Variants in CYB5A observed in about 807,000 individuals in gnomAD.
CYB5A encodes cytochrome b5 type A, also known as cytochrome b5.
In CYB5A, 10 loss-of-function variants were observed where a neutral mutation model predicts 16.2. The observed-to-expected ratio is 0.62, with a 90% confidence interval of 0.38 to 1.04. CYB5A has a LOEUF of 1.04. Ranked by LOEUF, CYB5A falls within the 50% of genes least tolerant of loss-of-function variation. CYB5A has a pLI of 0.01. For synonymous variants in CYB5A, 62 were observed against 57.0 expected (o/e 1.09, Z -0.40); for missense variants, 161 against 165.9 (o/e 0.97, Z 0.16).
chr18:74,291,039 G>T (rs2145092945), intron 1 of CYB5A: 1 of 156,106 alleles, frequency 6.4e-6, no homozygotes, highest in Non-Finnish European at 1.4e-5. Flanking sequence ...TTAACACCGA[G>T]CCTCTTCCAG....
At chr18:74,255,680 T>A in intron 4 of CYB5A, 61 bp downstream of exon 4, 1 of 1,439,946 alleles carries the variant, frequency 6.9e-7, no homozygotes, top group Non-Finnish European at 9.8e-7. Context: ...ACGCACCTTG[T>A]CCAACCTGGA....
At chr18:74,266,992 G>T (rs577091629) in intron 1 of CYB5A, among the ~76,000 whole-genome samples, 1 of 152,254 alleles carries the variant, frequency 6.6e-6, no homozygotes, top group South Asian at 2.1e-4. Context: ...AGTAAAAGAT[G>T]AGGGTGGCTT....
At chr18:74,265,259 G>A (rs1039101524) in intron 1 of CYB5A, among the ~76,000 whole-genome samples, 3 of 152,070 alleles carry the variant, frequency 2.0e-5, no homozygotes, top group African/African-American at 7.2e-5. Flanking sequence ...CAGAAAAACT[G>A]GGAAGCACAA....
intron 1 of CYB5A, among the ~76,000 whole-genome samples, chr18:74,278,168 C>T (rs2145071880): frequency 6.6e-6 from 1 of 152,240 alleles, no homozygotes; most frequent in East Asian, 1.9e-4. Context: ...GTGACGGAGC[C>T]AGTTAGGGGA....
intron 1 of CYB5A, 120 bp downstream of exon 1, chr18:74,291,627 T>C: frequency 6.8e-7 from 1 of 1,468,716 alleles, no homozygotes; most frequent in Non-Finnish European, 9.3e-7. Context: ...GTGAGCGAAC[T>C]CGGGGGGCGC....
chr18:74,265,765 C>T (rs1051462566), intron 1 of CYB5A, among the ~76,000 whole-genome samples: 5 of 152,150 alleles, frequency 3.3e-5, no homozygotes, highest in East Asian at 3.9e-4. Context: ...CATCTCATGG[C>T]GAGAGAGGAG....
At chr18:74,288,217 C>A (rs11151940) in intron 1 of CYB5A, among the ~76,000 whole-genome samples, 18,096 of 152,272 alleles carry the variant, frequency 0.12, 1,392 homozygotes, top group Admixed American at 0.19. Context: ...GAGCTTCAAC[C>A]TGTGTTCTTG....
intron 1 of CYB5A, among the ~76,000 whole-genome samples, chr18:74,289,736 A>T (rs1379420191): frequency 2.0e-5 from 3 of 148,078 alleles, no homozygotes; most frequent in Non-Finnish European, 4.4e-5. Context: ...AGATCACACC[A>T]TTGCACTCCA....
At chr18:74,279,924 A>G (rs891505113) in intron 1 of CYB5A, among the ~76,000 whole-genome samples, 1 of 152,252 alleles carries the variant, frequency 6.6e-6, no homozygotes, top group Admixed American at 6.5e-5. Context: ...TAAAAGAGAA[A>G]AAGTCCTGCA....
At chr18:74,275,876 C>A (rs1982852248) in intron 1 of CYB5A, among the ~76,000 whole-genome samples, 1 of 152,178 alleles carries the variant, frequency 6.6e-6, no homozygotes, top group Non-Finnish European at 1.5e-5. Context: ...GAAGAACATG[C>A]TGGAGGAGCC....
At chr18:74,264,964 C>T (rs76195067) in intron 1 of CYB5A, among the ~76,000 whole-genome samples, 2 of 148,140 alleles carry the variant, frequency 1.4e-5, no homozygotes, top group East Asian at 4.0e-4. Flanking sequence ...AAAAAAAAAA[C>T]TTCTTTAACT....
intron 3 of CYB5A, chr18:74,256,623 A>G: frequency 1.7e-6 from 1 of 573,066 alleles, no homozygotes; most frequent in Non-Finnish European, 3.1e-6. Flanking sequence ...CACCAACATA[A>G]GCATTAGGGC....
rs747958274 is a variant in CYB5A, at chr18:74,264,108, G to A, written c.130-631C>T. On this transcript the variant is annotated intron_variant, in intron 1 of 4. Transcript: ENST00000340533. ...CACCTGTAGTCCCAGCTATTCAGGA[G>A]GCTGAGTCTTGAGAATCGCTTGAAT... Among the ~76,000 whole-genome samples the A allele has an allele frequency of 2.0e-5, 3 of 151,922 alleles. No homozygotes were observed. In the South Asian group the frequency reaches 6.2e-4, roughly 32 times the overall value.
chr18:74,270,837 C>T (rs777231407), intron 1 of CYB5A, among the ~76,000 whole-genome samples: 84 of 152,154 alleles, frequency 5.5e-4, no homozygotes, highest in Non-Finnish European at 7.1e-4. Context: ...TGGAGCACAC[C>T]TAGTGACAGC....
At chr18:74,284,233 CAA>C (rs1308439463) in intron 1 of CYB5A, among the ~76,000 whole-genome samples, 7 of 73,082 alleles carry the variant, frequency 9.6e-5, no homozygotes, top group Non-Finnish European at 1.9e-4. Context: ...ACTCCATCTC[CAA>C]AAAAAAAAAA....
At chr18:74,270,911 A>G (rs1982644256) in intron 1 of CYB5A, among the ~76,000 whole-genome samples, 1 of 152,004 alleles carries the variant, frequency 6.6e-6, no homozygotes, top group Non-Finnish European at 1.5e-5. Flanking sequence ...TGTTTCTCTA[A>G]CTCTTAGTTC....
At chr18:74,270,778 C>G (rs977751852) in intron 1 of CYB5A, among the ~76,000 whole-genome samples, 1 of 152,148 alleles carries the variant, frequency 6.6e-6, no homozygotes, top group Non-Finnish European at 1.5e-5. Context: ...ACATCAGGGA[C>G]TTGAGCACCT....
At chr18:74,256,672 C>G in intron 3 of CYB5A, 1 of 676,146 alleles carries the variant, frequency 1.5e-6, no homozygotes, top group Non-Finnish European at 2.6e-6. Flanking sequence ...AGCTTCAGAT[C>G]TGCAGTTTCC....
At chr18:74,265,677 C>T (rs562236946) in intron 1 of CYB5A, among the ~76,000 whole-genome samples, 53 of 152,350 alleles carry the variant, frequency 3.5e-4, no homozygotes, top group Admixed American at 2.1e-3. Flanking sequence ...TGTACAAGCA[C>T]GGCACCATCA....
Sources: gnomAD v4.1 joint callset for allele counts (sites outside exome capture counted in the v4.1 genomes callset) on GRCh38, gnomAD v4.1.1 for gene constraint, MANE v1.5 for transcripts, NCBI Gene and HGNC (gene_info 2026-07-23, HGNC 2026-07-21) for gene names.